CLMP: variants seen among roughly 807,000 people sequenced by gnomAD.
CLMP encodes the protein CXADR-like membrane protein.
In CLMP, 27 loss-of-function variants were observed where a neutral mutation model predicts 45.2. That is an observed-to-expected ratio of 0.60 (90% CI 0.44 to 0.82). The LOEUF is 0.82. Among genes scored for constraint, CLMP ranks in the 40% least tolerant of loss-of-function variants. The probability of loss-of-function intolerance (pLI) is 0.00; values close to 1 mark genes in which losing one functional copy is unlikely to be tolerated. For missense variants in CLMP, 403 were observed against 448.4 expected (o/e 0.90, Z 0.91); for synonymous variants, 167 against 171.4 (o/e 0.97, Z 0.20).
intron 1 of CLMP, among the ~76,000 whole-genome samples, chr11:123,118,109 G>C (rs116833302): frequency 6.6e-6 from 1 of 152,096 alleles, no homozygotes; most frequent in African/African-American, 2.4e-5. Context: ...CCAGTGTATA[G>C]GTTCGCAAAG....
At chr11:123,098,657 T>G (rs1866018263) in intron 1 of CLMP, among the ~76,000 whole-genome samples, 2 of 150,606 alleles carry the variant, frequency 1.3e-5, no homozygotes, top group Admixed American at 6.6e-5. Flanking sequence ...CACCTCAGGC[T>G]CCAGAGAAGC....
At chr11:123,094,879 A>G (rs1591455096) in intron 2 of CLMP, among the ~76,000 whole-genome samples, 1 of 151,972 alleles carries the variant, frequency 6.6e-6, no homozygotes, top group African/African-American at 2.4e-5. Context: ...CAAGCAATCT[A>G]CCCACCTCAG....
chr11:123,164,154 C>G (rs1401225481), intron 1 of CLMP, among the ~76,000 whole-genome samples: 11 of 151,874 alleles, frequency 7.2e-5, no homozygotes, highest in Non-Finnish European at 1.6e-4. Context: ...CAAAAATTGT[C>G]CTTATCTGTT....
chr11:123,112,524 A>G (rs1860654085), intron 1 of CLMP, among the ~76,000 whole-genome samples: 1 of 151,110 alleles, frequency 6.6e-6, no homozygotes, highest in Non-Finnish European at 1.5e-5. Context: ...TTCAGTAGAG[A>G]TGGGGTTTCA....
chr11:123,177,229 C>T (rs1360600656), intron 1 of CLMP, among the ~76,000 whole-genome samples: 1 of 152,130 alleles, frequency 6.6e-6, no homozygotes, highest in Admixed American at 6.5e-5. Flanking sequence ...AAAATCCTCA[C>T]TGCTTTGGGG....
chr11:123,194,773 C>G, intron 1 of CLMP, 140 bp downstream of exon 1: 1 of 1,014,728 alleles, frequency 9.9e-7, no homozygotes, highest in Non-Finnish European at 1.5e-6. Context: ...TGTGCTCCTC[C>G]GTGGCCAGGA....
chr11:123,151,816 T>G (rs1399409377), intron 1 of CLMP, among the ~76,000 whole-genome samples: 1 of 152,198 alleles, frequency 6.6e-6, no homozygotes, highest in Non-Finnish European at 1.5e-5. Flanking sequence ...TTTTAGCATG[T>G]TTATTATCCA....
chr11:123,184,847 CAT>C (rs1354690544), intron 1 of CLMP, among the ~76,000 whole-genome samples: 1 of 152,210 alleles, frequency 6.6e-6, no homozygotes, highest in Non-Finnish European at 1.5e-5. Flanking sequence ...AGGAATCTAA[CAT>C]GTGCCAGCCG....
intron 1 of CLMP, among the ~76,000 whole-genome samples, chr11:123,176,914 C>A (rs919198409): frequency 3.3e-5 from 5 of 152,156 alleles, no homozygotes; most frequent in African/African-American, 4.8e-5. Flanking sequence ...CTTGTCCATT[C>A]AACAAGTACC....
intron 1 of CLMP, among the ~76,000 whole-genome samples, chr11:123,157,488 G>C (rs1007779432): frequency 6.6e-6 from 1 of 152,148 alleles, no homozygotes; most frequent in Non-Finnish European, 1.5e-5. Context: ...AGGAGGCAGA[G>C]GTTGCAGTGA....
intron 2 of CLMP, among the ~76,000 whole-genome samples, chr11:123,088,470 A>G (rs867369043): frequency 6.6e-6 from 1 of 152,138 alleles, no homozygotes; most frequent in Admixed American, 6.5e-5. Context: ...ATCACCTACA[A>G]TGAAGTCAGT....
At chr11:123,130,706 A>C (rs1860973438) in intron 1 of CLMP, among the ~76,000 whole-genome samples, 1 of 152,170 alleles carries the variant, frequency 6.6e-6, no homozygotes, top group African/African-American at 2.4e-5. Context: ...TTGGGGAAAA[A>C]AAAGTAGTTC....
chr11:123,102,509 G>C (rs1389115195), intron 1 of CLMP, among the ~76,000 whole-genome samples: 1 of 150,954 alleles, frequency 6.6e-6, no homozygotes, highest in African/African-American at 2.4e-5. Context: ...TCAATCTCCT[G>C]ACCTCGTGAT....
chr11:123,100,947 G>A (rs571697228), intron 1 of CLMP, among the ~76,000 whole-genome samples: 3 of 151,504 alleles, frequency 2.0e-5, no homozygotes, highest in African/African-American at 7.3e-5. Flanking sequence ...CTCCCCCACC[G>A]CCTGCCCCCG....
At chr11:123,187,587 A>G (rs1861851100) in intron 1 of CLMP, among the ~76,000 whole-genome samples, 2 of 152,274 alleles carry the variant, frequency 1.3e-5, no homozygotes, top group Non-Finnish European at 2.9e-5. Context: ...GCTTGATCCT[A>G]TTCATTTTCC....
intron 1 of CLMP, among the ~76,000 whole-genome samples, chr11:123,169,534 C>T (rs1250544112): frequency 6.6e-6 from 1 of 152,336 alleles, no homozygotes; most frequent in East Asian, 1.9e-4. Flanking sequence ...CAGTGTCCAA[C>T]CCCTCTTAGA....
At position 123,082,963 on chromosome 11, in the gene CLMP, C is replaced by G. The variant is rs896403113; in HGVS notation, c.679+122G>C. On this transcript the variant is annotated intron_variant, in intron 5 of 6. Coordinates refer to ENST00000448775, the MANE Select transcript of CLMP (RefSeq NM_024769.5). ...GAATTTATTTTGGTGATAGCCATAT[C>G]CTTCTGGAGATAAAGATTTTGACCT... 5.0e-6 allele frequency: 6 copies of G among 1,194,442 alleles called. No homozygotes were observed. In the African/African-American group the frequency reaches 9.1e-5, roughly 18 times the overall value. The allele number at this position is 1,194,442 out of a possible 1,614,324, so 74.0% of individuals were successfully genotyped here. A position where few individuals can be genotyped will look rare whatever the true frequency, so the allele number is the denominator to read the frequency against.
intron 1 of CLMP, among the ~76,000 whole-genome samples, chr11:123,152,807 C>A (rs547850114): frequency 1.3e-5 from 2 of 152,116 alleles, no homozygotes; most frequent in Non-Finnish European, 2.9e-5. Context: ...AAGGACCTTG[C>A]CACTTTTTCC....
intron 1 of CLMP, among the ~76,000 whole-genome samples, chr11:123,170,672 C>T (rs1861620637): frequency 6.6e-6 from 1 of 152,134 alleles, no homozygotes; most frequent in African/African-American, 2.4e-5. Context: ...AACTACTGAG[C>T]TCAAGTGATC....
Sources: gnomAD v4.1 joint callset for allele counts (sites outside exome capture counted in the v4.1 genomes callset) on GRCh38, gnomAD v4.1.1 for gene constraint, MANE v1.5 for transcripts, NCBI Gene and HGNC (gene_info 2026-07-23, HGNC 2026-07-21) for gene names.